NUP160: variants seen among roughly 807,000 people sequenced by gnomAD.
NUP160 encodes nucleoporin 160, also known as nuclear pore complex protein Nup160.
Under a neutral mutation model 196.9 loss-of-function variants are expected in NUP160, and 94 were observed. That is an observed-to-expected ratio of 0.48 (90% CI 0.40 to 0.57). The LOEUF (loss-of-function observed/expected upper bound fraction) is 0.57. NUP160 is among the 20% of genes least tolerant of loss of function. The pLI, the probability that NUP160 is intolerant of heterozygous loss-of-function variation, is 0.00. For missense variants in NUP160, 1,638 were observed against 1,748.3 expected (o/e 0.94, Z 1.13); for synonymous variants, 605 against 619.7 (o/e 0.98, Z 0.35).
chr11:47,779,851 C>G (rs2097659631), intron 35 of NUP160, among the ~76,000 whole-genome samples: 2 of 152,062 alleles, frequency 1.3e-5, no homozygotes, highest in Non-Finnish European at 2.9e-5. Flanking sequence ...CCTCAGCCTC[C>G]CGAGTAGCTG....
rs1428564239 is a variant in NUP160 at position 47,806,852 on chromosome 11, C to CACACATAT, written c.2446+217_2446+218insATATGTGT. ...ACACACACACACACACACACACACA[C>CACACATAT]ATATATATACCATATCCTTAACATA... is the stretch of plus-strand genomic sequence containing the variant. On this transcript the variant is annotated intron_variant, in intron 19 of 35. Transcript: ENST00000378460. Among the ~76,000 whole-genome samples the CACACATAT allele has an allele frequency of 4.7e-4, 59 of 124,306 alleles. 1 individual carries two copies. The highest frequency in any genetic ancestry group is 1.8e-3 in the African/African-American group (56 of 31,596). 81.5% of individuals were successfully genotyped at this position (124,306 alleles called of 152,430 possible). A position where few individuals can be genotyped will look rare whatever the true frequency, so the allele number is the denominator to read the frequency against.
chr11:47,820,252 C>T (rs1328704970), intron 9 of NUP160: 2 of 152,156 alleles, frequency 1.3e-5, no homozygotes, highest in African/African-American at 2.4e-5. Context: ...TTTAGTGACA[C>T]TAATGTTAAG....
In NUP160 at chr11:47,837,538, C is replaced by T; in HGVS notation, c.827+7G>A. 6.2e-7 allele frequency: 1 copy of T among 1,612,424 alleles called. No individual in the cohort carries two copies. Among genetic ancestry groups the T allele is most frequent in the South Asian group, 1.1e-5 (1 of 91,030 alleles). On this transcript the variant is annotated splice_region_variant and intron_variant, in intron 5 of 35. Coordinates refer to ENST00000378460, the Ensembl canonical transcript of NUP160. ...GCCCTTTGATTTACCTGCCAGACAC[C>T]ACTCACCTGATAGCTGTTGGCATCC... is the stretch of plus-strand genomic sequence containing the variant.
At chr11:47,829,590 A>G (rs1852035805) in intron 7 of NUP160, among the ~76,000 whole-genome samples, 1 of 152,216 alleles carries the variant, frequency 6.6e-6, no homozygotes. Context: ...TACAGGCATG[A>G]GCCACCGCAC....
At chr11:47,836,956 A>G (rs144770175) in exon 6 of NUP160, 2 of 1,613,822 alleles carry the variant, frequency 1.2e-6, no homozygotes, top group African/African-American at 2.7e-5. Flanking sequence ...GCTCCACACA[A>G]TGAACAGCAA....
At chr11:47,789,125 C>T (rs1190007756) in intron 29 of NUP160, among the ~76,000 whole-genome samples, 1 of 152,156 alleles carries the variant, frequency 6.6e-6, no homozygotes, top group Non-Finnish European at 1.5e-5. Flanking sequence ...GATCCAGCCA[C>T]CTCAGCCTCC....
chr11:47,824,535 G>A lies in NUP160; in HGVS notation c.1102-2371C>T, dbSNP rs913130358. Among the ~76,000 whole-genome samples the A allele has an allele frequency of 6.6e-5, 10 of 151,934 alleles. No individual in the cohort carries two copies. The East Asian group carries it at 7.7e-4, about 12-fold the overall frequency. ...TGAGGTAGGAGAATGGTGTGAACCC[G>A]GGAGGCGGAGCTTGCAGTGAGTCAA... On this transcript the variant is annotated intron_variant, in intron 7 of 35. Transcript: ENST00000378460.
At chr11:47,838,232 C>A (rs1852216020) in intron 4 of NUP160, among the ~76,000 whole-genome samples, 1 of 152,080 alleles carries the variant, frequency 6.6e-6, no homozygotes, top group Non-Finnish European at 1.5e-5. Context: ...GCTGACAATA[C>A]CAAACAAATG....
chr11:47,824,046 T>C (rs893893794), intron 7 of NUP160, among the ~76,000 whole-genome samples: 16 of 94,608 alleles, frequency 1.7e-4, no homozygotes, highest in Non-Finnish European at 2.7e-4. Context: ...TATATATATA[T>C]ATATATACAC....
At chr11:47,848,295 T>C (rs760877951) in exon 1 of NUP160, 2 of 1,614,006 alleles carry the variant, frequency 1.2e-6, no homozygotes, top group African/African-American at 1.3e-5. Flanking sequence ...CGAAGCTCCG[T>C]TCCAGGGCTC....
chr11:47,848,312 C>T, exon 1 of NUP160: 1 of 1,613,854 alleles, frequency 6.2e-7, no homozygotes. Context: ...GCTCCCGCCG[C>T]CGCCATCTTC....
Position 47,792,961 on chromosome 11 carries a change from T to TA in NUP160, c.3290-16dup. ...CACTGTGCCAGCTATGAGGAGATAA[T>TA]AAATTAGACTTTAGAACTTCCAAAT... On this transcript the variant is annotated splice_polypyrimidine_tract_variant and intron_variant, in intron 27 of 35. Coordinates refer to ENST00000378460, the Ensembl canonical transcript of NUP160. 1 of 1,594,970 alleles carries TA rather than the reference T, an allele frequency of 6.3e-7. No homozygotes were observed. The highest frequency in any genetic ancestry group is 8.5e-7 in the Non-Finnish European group (1 of 1,174,464).
chr11:47,842,797 C>T (rs1852330978), intron 2 of NUP160, among the ~76,000 whole-genome samples: 1 of 152,080 alleles, frequency 6.6e-6, no homozygotes, highest in African/African-American at 2.4e-5. Flanking sequence ...CGAGATCAGC[C>T]TGGGCAACAC....
chr11:47,793,833 T>C (rs185327061), intron 27 of NUP160, among the ~76,000 whole-genome samples: 113 of 144,000 alleles, frequency 7.8e-4, no homozygotes, highest in African/African-American at 2.9e-3. Context: ...CTCTGCTTCC[T>C]GGGTTCAAGC....
Position 47,783,113 on chromosome 11 carries a change from T to C in NUP160, c.4076A>G (p.Asp1359Gly), listed in dbSNP as rs2097662442. ...TTGATGTCCTTTTCCCAATACAGCA[T>C]CCACATATTCTGACACCAAATCCAC... Residue 1359 changes from aspartate (D) to glycine (G), a missense_variant, in exon 34 of 36, where the codon GAT becomes GGT. Coordinates refer to ENST00000378460, the Ensembl canonical transcript of NUP160. 6.2e-7 allele frequency: 1 copy of C among 1,614,034 alleles called. No individual in the cohort carries two copies. Among genetic ancestry groups the C allele is most frequent in the Non-Finnish European group, 8.5e-7 (1 of 1,179,970 alleles).
chr11:47,792,774 A>G lies in NUP160; in HGVS notation c.3450+12T>C, dbSNP rs758371058. 1 of 1,581,672 alleles carries G rather than the reference A, an allele frequency of 6.3e-7. No individual in the cohort carries two copies. The highest frequency in any genetic ancestry group is 1.2e-5 in the South Asian group (1 of 86,522). ...ATGAACCCCCAAATTCCAGGATGAA[A>G]TGTTTTCATACCACTGCACCAGACA... On this transcript the variant is annotated intron_variant, in intron 28 of 35. Coordinates refer to ENST00000378460, the Ensembl canonical transcript of NUP160.
intron 29 of NUP160, among the ~76,000 whole-genome samples, chr11:47,791,627 C>T (rs980127306): frequency 1.3e-5 from 2 of 152,166 alleles, no homozygotes; most frequent in Non-Finnish European, 2.9e-5. Flanking sequence ...AGGTGTGAGC[C>T]ACCACACCCG....
chr11:47,800,478 C>T (rs1174759880), intron 23 of NUP160, among the ~76,000 whole-genome samples: 2 of 151,634 alleles, frequency 1.3e-5, no homozygotes, highest in African/African-American at 4.8e-5. Context: ...CAACCTCCGC[C>T]GCCTCCTGGG....
chr11:47,838,313 G>A (rs534327179), intron 4 of NUP160, among the ~76,000 whole-genome samples: 30 of 152,324 alleles, frequency 2.0e-4, no homozygotes, highest in Non-Finnish European at 3.1e-4. Context: ...GTGAAGAGGG[G>A]AAGAGTGAAC....
Sources: allele counts gnomAD v4.1 joint callset (sites outside exome capture counted in the v4.1 genomes callset), GRCh38; gene constraint gnomAD v4.1.1; transcripts MANE v1.5; gene names NCBI Gene and HGNC (gene_info 2026-07-23, HGNC 2026-07-21).